Variants in WDFY4 observed in about 807,000 individuals in gnomAD.
WDFY4 encodes WD repeat- and FYVE domain-containing protein 4.
Under a neutral mutation model 351.9 loss-of-function variants are expected in WDFY4, and 169 were observed. The observed-to-expected ratio is 0.48, with a 90% CI of 0.42 to 0.55. The LOEUF (loss-of-function observed/expected upper bound fraction) is 0.55. Among genes scored for constraint, WDFY4 ranks in the 20% least tolerant of loss-of-function variants. The pLI is 0.00. For synonymous variants in WDFY4, 1,622 were observed against 1,574.6 expected (o/e 1.03, Z -0.71); for missense variants, 3,803 against 3,935.6 (o/e 0.97, Z 0.90).
chr10:48,884,626 CAT>C (rs1227256004), intron 43 of WDFY4, among the ~76,000 whole-genome samples: 1 of 152,188 alleles, frequency 6.6e-6, no homozygotes, highest in Non-Finnish European at 1.5e-5. Flanking sequence ...CACACACACA[CAT>C]ACACACCCCT....
chr10:48,807,283 A>C (rs1697733474), intron 27 of WDFY4, among the ~76,000 whole-genome samples: 1 of 152,244 alleles, frequency 6.6e-6, no homozygotes, highest in African/African-American at 2.4e-5. Context: ...CTGCATTCTG[A>C]AACTTTTACC....
intron 56 of WDFY4, 132 bp downstream of exon 56, chr10:48,969,380 T>G: frequency 8.5e-7 from 1 of 1,174,714 alleles, no homozygotes; most frequent in South Asian, 1.5e-5. Context: ...GCTGCCAGCC[T>G]GGGCGGGAAA....
chr10:48,780,825 C>A (rs917697365), intron 19 of WDFY4, among the ~76,000 whole-genome samples: 2 of 152,178 alleles, frequency 1.3e-5, no homozygotes, highest in African/African-American at 4.8e-5. Context: ...TTTAAAATCA[C>A]CTGCAAAGGC....
At chr10:48,836,427 C>A (rs957610938) in intron 39 of WDFY4, among the ~76,000 whole-genome samples, 17 of 152,188 alleles carry the variant, frequency 1.1e-4, no homozygotes, top group African/African-American at 3.6e-4. Context: ...CATCTTCTGT[C>A]TCTCTTCTGG....
At chr10:48,919,954 G>A (rs1477881299) in intron 47 of WDFY4, among the ~76,000 whole-genome samples, 1 of 152,046 alleles carries the variant, frequency 6.6e-6, no homozygotes, top group East Asian at 1.9e-4. Flanking sequence ...AGACATATAA[G>A]AAAGAGATCT....
intron 35 of WDFY4, among the ~76,000 whole-genome samples, chr10:48,824,391 A>C (rs1460047914): frequency 1.3e-5 from 2 of 152,254 alleles, no homozygotes; most frequent in African/African-American, 4.8e-5. Flanking sequence ...ATTAATAATG[A>C]CACATAGCTA....
chr10:48,914,918 C>A (rs899760141), intron 47 of WDFY4, among the ~76,000 whole-genome samples: 1 of 152,202 alleles, frequency 6.6e-6, no homozygotes, highest in African/African-American at 2.4e-5. Context: ...CCTTTTCCAT[C>A]TCCTGCCCAT....
intron 1 of WDFY4, among the ~76,000 whole-genome samples, chr10:48,699,059 C>T (rs1431530528): frequency 6.6e-6 from 1 of 152,210 alleles, no homozygotes; most frequent in Non-Finnish European, 1.5e-5. Flanking sequence ...CTCACAGCCC[C>T]TGCCACGTCT....
At chr10:48,751,762 G>C (rs759906291) in intron 12 of WDFY4, among the ~76,000 whole-genome samples, 11 of 152,102 alleles carry the variant, frequency 7.2e-5, no homozygotes, top group Non-Finnish European at 1.2e-4. Flanking sequence ...GTCCACATAG[G>C]GGGCAGTCTG....
intron 57 of WDFY4, among the ~76,000 whole-genome samples, chr10:48,974,328 C>T (rs1017239452): frequency 6.6e-6 from 1 of 151,670 alleles, no homozygotes; most frequent in Non-Finnish European, 1.5e-5. Flanking sequence ...CTTGGTGAAA[C>T]CCCATCTCCA....
At chr10:48,787,896 T>TCTC (rs2066498769) in intron 20 of WDFY4, among the ~76,000 whole-genome samples, 3 of 25,708 alleles carry the variant, frequency 1.2e-4, no homozygotes, top group Admixed American at 3.8e-4. Context: ...TTCTTCTCCT[T>TCTC]CTTCTTCTTC....
chr10:48,751,741 A>G (rs1336294144), intron 12 of WDFY4, among the ~76,000 whole-genome samples: 2 of 152,158 alleles, frequency 1.3e-5, no homozygotes, highest in African/African-American at 2.4e-5. Flanking sequence ...TGCCTCCTGA[A>G]GTTTGATAGA....
At chr10:48,705,667 C>G (rs2063608168) in intron 1 of WDFY4, among the ~76,000 whole-genome samples, 1 of 152,168 alleles carries the variant, frequency 6.6e-6, no homozygotes, top group Non-Finnish European at 1.5e-5. Context: ...TTTCAGGGGT[C>G]CGCATTAGTT....
At chr10:48,827,742 G>A (rs1011247107) in intron 36 of WDFY4, among the ~76,000 whole-genome samples, 9 of 151,504 alleles carry the variant, frequency 5.9e-5, no homozygotes, top group African/African-American at 1.9e-4. Flanking sequence ...ACATCCTGTA[G>A]TGTTGACTAC....
chr10:48,967,002 C>CATGT (rs768234851), intron 55 of WDFY4: 17 of 289,154 alleles, frequency 5.9e-5, no homozygotes, highest in Non-Finnish European at 9.7e-5. Context: ...TGCACACACA[C>CATGT]ATGTACACAC....
chr10:48,971,357 G>A (rs1320202201), intron 57 of WDFY4, among the ~76,000 whole-genome samples: 3 of 152,086 alleles, frequency 2.0e-5, no homozygotes, highest in Non-Finnish European at 4.4e-5. Context: ...TTAGCCAGGC[G>A]TGGTGGTGGG....
intron 39 of WDFY4, among the ~76,000 whole-genome samples, chr10:48,849,375 T>C (rs2068882407): frequency 6.6e-6 from 1 of 152,242 alleles, no homozygotes; most frequent in Non-Finnish European, 1.5e-5. Context: ...AGGCAGCTTT[T>C]CCACCATTTT....
At chr10:48,966,840 G>T in intron 55 of WDFY4, 167 bp downstream of exon 55, 2 of 970,552 alleles carry the variant, frequency 2.1e-6, no homozygotes, top group Non-Finnish European at 2.9e-6. Flanking sequence ...TGTCATCTCT[G>T]GGAAGTGTCT....
At chr10:48,920,103 C>T (rs973900044) in intron 47 of WDFY4, among the ~76,000 whole-genome samples, 1 of 148,908 alleles carries the variant, frequency 6.7e-6, no homozygotes, top group Non-Finnish European at 1.5e-5. Flanking sequence ...ATGTAACATA[C>T]CATATTAACA....
Sources: gnomAD v4.1 joint callset for allele counts (sites outside exome capture counted in the v4.1 genomes callset) on GRCh38, gnomAD v4.1.1 for gene constraint, MANE v1.5 for transcripts, NCBI Gene and HGNC (gene_info 2026-07-23, HGNC 2026-07-21) for gene names.